The following OXSR1 variants were observed in gnomAD, a reference collection of about 807,000 sequenced individuals.
The protein encoded by OXSR1 is oxidative stress responsive kinase 1, also known as serine/threonine-protein kinase OSR1.
OXSR1 carries 24 observed loss-of-function variants against 79.8 expected under a neutral mutation model. The observed-to-expected ratio is 0.30, with a 90% CI of 0.22 to 0.42. OXSR1 has a LOEUF of 0.42. Ranked by LOEUF, OXSR1 falls within the 10% of genes least tolerant of loss-of-function variation. OXSR1 has a pLI of 1.00. For synonymous variants in OXSR1, 226 were observed against 209.2 expected, an observed-to-expected ratio of 1.08 and a Z score of -0.69; for missense variants, 430 against 618.4, an observed-to-expected ratio of 0.70 and a Z score of 3.23.
chr3:38,238,811 TG>T (rs1486025435), intron 11 of OXSR1, among the ~76,000 whole-genome samples: 1 of 152,086 alleles, frequency 6.6e-6, no homozygotes, highest in African/African-American at 2.4e-5. Context: ...TTCTTGTGCT[TG>T]GGGTTTGTTG....
intron 12 of OXSR1, among the ~76,000 whole-genome samples, chr3:38,244,812 C>T (rs1303374361): frequency 1.3e-5 from 2 of 152,026 alleles, no homozygotes; most frequent in African/African-American, 2.4e-5. Context: ...GGGTGTATAC[C>T]TAGAAGTGGA....
At chr3:38,170,476 GA>G (rs1236430504) in intron 1 of OXSR1, among the ~76,000 whole-genome samples, 2 of 151,942 alleles carry the variant, frequency 1.3e-5, no homozygotes, top group Non-Finnish European at 2.9e-5. Flanking sequence ...ACATTGTGAA[GA>G]TTTTTTTTTC....
chr3:38,235,115 A>G (rs1702892403), intron 10 of OXSR1, among the ~76,000 whole-genome samples: 1 of 152,208 alleles, frequency 6.6e-6, no homozygotes, highest in African/African-American at 2.4e-5. Context: ...ACTGCTAAAG[A>G]GTATGGCATG....
intron 10 of OXSR1, chr3:38,236,556 A>T: frequency 9.5e-6 from 2 of 209,708 alleles, no homozygotes; most frequent in Non-Finnish European, 1.9e-5. Flanking sequence ...TAAATGTCTC[A>T]GGACATTTAA....
intron 2 of OXSR1, among the ~76,000 whole-genome samples, chr3:38,186,014 T>C (rs1192777309): frequency 6.9e-6 from 1 of 145,382 alleles, no homozygotes; most frequent in Non-Finnish European, 1.5e-5. Flanking sequence ...GAGCTTCTAA[T>C]TGTGAAAATG....
intron 4 of OXSR1, among the ~76,000 whole-genome samples, chr3:38,205,124 C>A (rs1289242531): frequency 6.6e-6 from 1 of 152,160 alleles, no homozygotes; most frequent in Non-Finnish European, 1.5e-5. Context: ...AGCACAGATT[C>A]TCTCTCTGTG....
rs558129116 is a variant in OXSR1, at chr3:38,187,637, G to A, written c.184-3094G>A. Among the ~76,000 whole-genome samples, 303 of 152,312 alleles carry A rather than the reference G, an allele frequency of 2.0e-3. 1 individual carries two copies. The highest frequency in any genetic ancestry group is 7.1e-3 in the African/African-American group (296 of 41,558). On this transcript the variant is annotated intron_variant, in intron 2 of 17. Transcript: ENST00000311806. ...AGAAAAAAAAGGCTTCAGAAAGCTT[G>A]AGGTGGAGAACTAAATAGTTCAAAC... is the stretch of plus-strand genomic sequence containing the variant.
Position 38,253,914 on chromosome 3 carries a change from A to G in OXSR1, c.*1023A>G, listed in dbSNP as rs1703309487. On this transcript the variant is annotated 3_prime_UTR_variant, in exon 18 of 18. Transcript: ENST00000311806. ...TTTGGAGGGGGTCTCTGTGTGCTGA[A>G]GCTAACTCAAGATGGAAAGTGAAAC... 4 of 308,376 alleles carry G rather than the reference A, an allele frequency of 1.3e-5. No homozygotes were observed. In the Admixed American group the frequency reaches 2.0e-4, roughly 16 times the overall value. The allele number at this position is 308,376 out of a possible 1,614,324, so 19.1% of individuals were successfully genotyped here.
intron 14 of OXSR1, 39 bp downstream of exon 14, chr3:38,247,771 T>A: frequency 7.4e-7 from 1 of 1,348,956 alleles, no homozygotes; most frequent in Non-Finnish European, 1.1e-6. Context: ...TTTTGTTTTC[T>A]GAATATTCTG....
intron 5 of OXSR1, among the ~76,000 whole-genome samples, chr3:38,219,710 T>C (rs1319656934): frequency 6.6e-6 from 1 of 152,174 alleles, no homozygotes; most frequent in Admixed American, 6.5e-5. Flanking sequence ...TACTTTGTTA[T>C]TGTTGTTACA....
At chr3:38,227,582 C>CACAA (rs1386646067) in intron 8 of OXSR1, among the ~76,000 whole-genome samples, 1 of 148,386 alleles carries the variant, frequency 6.7e-6, no homozygotes, top group Non-Finnish European at 1.5e-5. Context: ...CACACACACA[C>CACAA]ACACAAATGT....
intron 10 of OXSR1, among the ~76,000 whole-genome samples, chr3:38,231,935 C>T (rs1702816840): frequency 6.6e-6 from 1 of 151,954 alleles, no homozygotes; most frequent in African/African-American, 2.4e-5. Flanking sequence ...GGTGAAACCT[C>T]GTCTCTACTA....
chr3:38,233,717 C>T (rs774191083), intron 10 of OXSR1, among the ~76,000 whole-genome samples: 12 of 151,722 alleles, frequency 7.9e-5, no homozygotes, highest in Non-Finnish European at 1.5e-4. Flanking sequence ...AGTTCTAGAC[C>T]ATCCTGGGTA....
chr3:38,178,639 T>C (rs1701723454), intron 1 of OXSR1, among the ~76,000 whole-genome samples: 1 of 139,912 alleles, frequency 7.1e-6, no homozygotes, highest in South Asian at 2.2e-4. Context: ...TTTTTTTTTT[T>C]TTCTTTTTTT....
intron 8 of OXSR1, among the ~76,000 whole-genome samples, chr3:38,225,882 G>T (rs1364155383): frequency 6.6e-6 from 1 of 152,056 alleles, no homozygotes; most frequent in Non-Finnish European, 1.5e-5. Context: ...TGGGGAGTTT[G>T]AACTGAGATT....
At chr3:38,214,462 A>C (rs141277692) in intron 4 of OXSR1, among the ~76,000 whole-genome samples, 135 of 152,322 alleles carry the variant, frequency 8.9e-4, no homozygotes, top group African/African-American at 2.9e-3. Context: ...AGCCTTCTGC[A>C]AAAACACAGA....
At chr3:38,194,020 T>G (rs1256037157) in intron 3 of OXSR1, among the ~76,000 whole-genome samples, 1 of 152,202 alleles carries the variant, frequency 6.6e-6, no homozygotes, top group African/African-American at 2.4e-5. Flanking sequence ...TAAGCACAGC[T>G]TAAATTTTTT....
At chr3:38,209,868 C>T (rs995749321) in intron 4 of OXSR1, among the ~76,000 whole-genome samples, 9 of 151,898 alleles carry the variant, frequency 5.9e-5, no homozygotes, top group African/African-American at 1.9e-4. Flanking sequence ...GTGATCCACC[C>T]GCCTCAGCCT....
chr3:38,210,746 G>T (rs539432010), intron 4 of OXSR1, among the ~76,000 whole-genome samples: 2 of 152,294 alleles, frequency 1.3e-5, no homozygotes, highest in South Asian at 2.1e-4. Flanking sequence ...TTGGAGGCAG[G>T]TGTTTGCCCT....
Sources: allele counts gnomAD v4.1 joint callset (sites outside exome capture counted in the v4.1 genomes callset), GRCh38; gene constraint gnomAD v4.1.1; transcripts MANE v1.5; gene names NCBI Gene and HGNC (gene_info 2026-07-23, HGNC 2026-07-21).